Variants in PPP6R2 observed in about 807,000 individuals in gnomAD.
PPP6R2 encodes the protein protein phosphatase 6 regulatory subunit 2.
In PPP6R2, 62 loss-of-function variants were observed where a neutral mutation model predicts 100.2. The ratio of observed to expected loss-of-function variants is 0.62; its 90% confidence interval spans 0.50 to 0.76. The LOEUF (loss-of-function observed/expected upper bound fraction) is 0.76. Among genes scored for constraint, PPP6R2 ranks in the 30% least tolerant of loss-of-function variants. The pLI is 0.00. For missense variants in PPP6R2, 1,142 were observed against 1,276.3 expected (o/e 0.89, Z 1.60); for synonymous variants, 525 against 514.7 (o/e 1.02, Z -0.27).
At chr22:50,365,192 G>C (rs992154584) in intron 1 of PPP6R2, among the ~76,000 whole-genome samples, 2 of 150,920 alleles carry the variant, frequency 1.3e-5, no homozygotes, top group African/African-American at 4.9e-5. Context: ...CTGCCTCAGC[G>C]TCCCAAGTAG....
Position 50,432,343 on chromosome 22 carries a change from G to C in PPP6R2, c.1400+14G>C, listed in dbSNP as rs750796279. ...CGACCACACGCAGTAAGAGCCGCTC[G>C]GACGTGGAGGGACCCAGCCTGGCCA... On this transcript the variant is annotated intron_variant, in intron 12 of 23. Transcript: ENST00000612753. 6.5e-7 allele frequency: 1 copy of C among 1,546,748 alleles called. No individual in the cohort carries two copies. Among genetic ancestry groups the C allele is most frequent in the East Asian group, 2.4e-5 (1 of 40,912 alleles).
intron 6 of PPP6R2, among the ~76,000 whole-genome samples, chr22:50,417,743 T>C (rs2060743347): frequency 6.6e-6 from 1 of 152,220 alleles, no homozygotes; most frequent in South Asian, 2.1e-4. Flanking sequence ...CCGCCCTGCC[T>C]GAGAACTGGA....
In PPP6R2 at chr22:50,431,504, A is replaced by T; in HGVS notation, c.1335+122A>T. The stretch of plus-strand genomic sequence containing the variant: ...CTGACACGGGGGCAGGGCTTTGAAA[A>T]GGGTCCCCAGGTGTCTGGTCAGACG... On this transcript the variant is annotated intron_variant, in intron 11 of 23. Coordinates refer to ENST00000612753, the MANE Select transcript of PPP6R2 (RefSeq NM_001242898.2). This position sits in a 1 kb window ranked among gnomAD's most constrained non-coding sequence, Gnocchi z 4.8. 2.3e-6 allele frequency: 2 copies of T among 857,100 alleles called. No homozygotes were observed. The highest frequency in any genetic ancestry group is 3.6e-6 in the Non-Finnish European group (2 of 560,890). 53.1% of individuals were successfully genotyped at this position (857,100 alleles called of 1,614,324 possible).
intron 21 of PPP6R2, 137 bp downstream of exon 21, chr22:50,440,186 T>A: frequency 2.5e-6 from 2 of 810,166 alleles, no homozygotes; most frequent in Non-Finnish European, 1.9e-6. Flanking sequence ...ACATTGGGGT[T>A]TGATACAGCA....
rs2050356278 is a variant in PPP6R2, at chr22:50,372,190, G to A, written c.-17+40G>A. 2.0e-5 allele frequency: 3 copies of A among 152,094 alleles called. No individual in the cohort carries two copies. The South Asian group carries it at 6.2e-4, about 32-fold the overall frequency. The allele number at this position is 152,094 out of a possible 1,614,324, so 9.4% of individuals were successfully genotyped here. On this transcript the variant is annotated intron_variant, in intron 2 of 23. Transcript: ENST00000612753. ...TTTTTCAATTTGATTCTGTTTTATT[G>A]TGTAATTTATGTAAAAGTTCTGTAC...
At chr22:50,415,864 A>G (rs1470334097) in intron 5 of PPP6R2, among the ~76,000 whole-genome samples, 2 of 152,228 alleles carry the variant, frequency 1.3e-5, no homozygotes, top group Non-Finnish European at 2.9e-5. Context: ...CATACGCACC[A>G]TTAGGACAGA....
intron 10 of PPP6R2, among the ~76,000 whole-genome samples, chr22:50,429,599 G>A (rs532812737): frequency 7.2e-5 from 11 of 152,206 alleles, no homozygotes; most frequent in African/African-American, 2.6e-4. Flanking sequence ...TGGTATCAGA[G>A]GTAATTCTGT....
At chr22:50,359,628 AAATT>A (rs1409372414) in intron 1 of PPP6R2, among the ~76,000 whole-genome samples, 3 of 152,120 alleles carry the variant, frequency 2.0e-5, no homozygotes, top group African/African-American at 7.2e-5. Context: ...GTGATATGTT[AAATT>A]AATTGATTTT....
At position 50,431,318 on chromosome 22, in the gene PPP6R2, G is replaced by A; in HGVS notation, c.1271G>A (p.Gly424Glu). 6.2e-7 allele frequency: 1 copy of A among 1,613,250 alleles called. No homozygotes were observed. The highest frequency in any genetic ancestry group is 8.5e-7 in the Non-Finnish European group (1 of 1,180,020). The change falls in exon 11 of 24, where the codon GGG becomes GAG. Residue 424 changes from glycine to glutamate, a missense_variant. Physicochemically the swap from Gly to Glu is moderately conservative, Grantham distance 98. Around this residue, in one of 2 missense-constraint regions of PPP6R2, gnomAD observed 592 missense variants for 758.9 expected, o/e 0.78. Coordinates refer to ENST00000612753, the MANE Select transcript of PPP6R2 (RefSeq NM_001242898.2). This position sits in a 1 kb window ranked among gnomAD's most constrained non-coding sequence, Gnocchi z 4.8. ...AGGGTGGAGCCTCCGCATGAGAACG[G>A]GAACCGGAGCCTGGAGACTCCCCAG... The part of the protein sequence containing the change: ...ESRVEPPHEN[G>E]NRSLETPQPA...
At chr22:50,372,722 T>C (rs910238439) in intron 2 of PPP6R2, among the ~76,000 whole-genome samples, 2 of 151,662 alleles carry the variant, frequency 1.3e-5, no homozygotes, top group Non-Finnish European at 2.9e-5. Flanking sequence ...GGAGTCTTGC[T>C]CTGTTGCCCA....
intron 2 of PPP6R2, among the ~76,000 whole-genome samples, chr22:50,379,876 C>A (rs1260288427): frequency 6.6e-6 from 1 of 151,976 alleles, no homozygotes; most frequent in African/African-American, 2.4e-5. Context: ...CTGTCCCCTC[C>A]AAAAAACCCC....
chr22:50,382,704 C>T (rs1200999691), intron 2 of PPP6R2, among the ~76,000 whole-genome samples: 1 of 152,064 alleles, frequency 6.6e-6, no homozygotes, highest in Non-Finnish European at 1.5e-5. Flanking sequence ...GGCAGAGGTA[C>T]CCTGGTTTTG....
chr22:50,439,719 T>C lies in PPP6R2; in HGVS notation c.2147T>C (p.Val716Ala), dbSNP rs2065171987. 1 of 1,606,012 alleles carries C rather than the reference T, an allele frequency of 6.2e-7. No homozygotes were observed. The highest frequency in any genetic ancestry group is 8.5e-7 in the Non-Finnish European group (1 of 1,175,954). ...GDSEGAMWTAVFDEPANSTPT... is the reference protein window; with the variant it reads ...GDSEGAMWTAAFDEPANSTPT... ...CCAGCAGGCGCCATGTGGACGGCAG[T>C]GTTTGATGAGCCAGCGAACTCAACG... The change falls in exon 20 of 24, where the codon GTG becomes GCG. Residue 716 changes from valine to alanine, a missense_variant. Transcript: ENST00000612753.
rs144819764 is a variant in PPP6R2, at chr22:50,431,286, C to T, written c.1239C>T (p.Ser413=). Residue 413 remains serine, a synonymous_variant, in exon 11 of 24, where the codon TCC becomes TCT. Coordinates refer to ENST00000612753, the MANE Select transcript of PPP6R2 (RefSeq NM_001242898.2). The surrounding 1 kb of genome is among the most constrained non-coding windows in gnomAD (Gnocchi z 4.8). ...AGGAGAGGACAGAAGCCAGCGGATC[C>T]GAGAGCAGGGTGGAGCCTCCGCATG... ...AREERTEASG[S]ESRVEPPHEN... 163 of 1,613,524 alleles carry T rather than the reference C, an allele frequency of 1.0e-4. 2 individuals carry two copies. In the South Asian group the frequency reaches 1.1e-3, roughly 11 times the overall value.
rs531119668 is a variant in PPP6R2 at position 50,387,170 on chromosome 22, C to A, written c.-16-6723C>A. On this transcript the variant is annotated intron_variant, in intron 2 of 23. Coordinates refer to ENST00000612753, the MANE Select transcript of PPP6R2 (RefSeq NM_001242898.2). Reference sequence around the variant, plus strand: ...CAACCTCCTGGGCTCAAGCGATCCCCCTGCCTCAGGCTCCCGGAGTAGCTG... The same window carrying A: ...CAACCTCCTGGGCTCAAGCGATCCCACTGCCTCAGGCTCCCGGAGTAGCTG... Among the ~76,000 whole-genome samples the A allele has an allele frequency of 3.9e-4, 60 of 152,264 alleles. No homozygotes were observed. In the South Asian group the frequency reaches 0.012, roughly 31 times the overall value.
upstream of PPP6R2, among the ~76,000 whole-genome samples, chr22:50,340,409 T>TGGAGG (rs1569219499): frequency 1.6e-5 from 2 of 123,262 alleles, no homozygotes; most frequent in African/African-American, 6.3e-5. Flanking sequence ...GTGGTGTGTG[T>TGGAGG]GTAGGGTGTG....
intron 2 of PPP6R2, among the ~76,000 whole-genome samples, chr22:50,392,945 A>G (rs1045417034): frequency 1.3e-5 from 2 of 152,248 alleles, no homozygotes; most frequent in Non-Finnish European, 2.9e-5. Context: ...TACTATTACT[A>G]TAATTTTTAA....
intron 10 of PPP6R2, among the ~76,000 whole-genome samples, chr22:50,428,570 AGGCAGGTGTGGTG>A (rs1285967522): frequency 1.3e-5 from 2 of 152,042 alleles, no homozygotes; most frequent in Non-Finnish European, 2.9e-5. Context: ...AATAAAAATT[AGGCAGGTGTGGTG>A]GCACAGATCT....
intron 3 of PPP6R2, among the ~76,000 whole-genome samples, chr22:50,400,730 G>A (rs1215901941): frequency 6.6e-6 from 1 of 152,160 alleles, no homozygotes; most frequent in Non-Finnish European, 1.5e-5. Context: ...GACTCTAAGG[G>A]AAAAGTTGTA....
Sources: allele counts gnomAD v4.1 joint callset (sites outside exome capture counted in the v4.1 genomes callset), GRCh38; gene constraint gnomAD v4.1.1; regional missense constraint gnomAD v4.1.1; non-coding constraint Gnocchi (gnomAD v3.1); transcripts MANE v1.5; gene names NCBI Gene and HGNC (gene_info 2026-07-23, HGNC 2026-07-21).